Variants in PARD3B observed in about 807,000 individuals in gnomAD.
The protein encoded by PARD3B is partitioning defective 3 homolog B.
In PARD3B, 103 loss-of-function variants were observed where a neutral mutation model predicts 130.2. The ratio of observed to expected loss-of-function variants is 0.79; its 90% confidence interval spans 0.67 to 0.93. The LOEUF (loss-of-function observed/expected upper bound fraction) is 0.93. Among genes scored for constraint, PARD3B ranks in the 40% least tolerant of loss-of-function variants. The pLI, the probability that PARD3B is intolerant of heterozygous loss-of-function variation, is 0.00. For missense variants in PARD3B, 1,609 were observed against 1,499.2 expected (o/e 1.07, Z -1.21); for synonymous variants, 583 against 553.2 (o/e 1.05, Z -0.76).
At chr2:205,007,430 A>G (rs1158460799) in intron 3 of PARD3B, among the ~76,000 whole-genome samples, 2 of 152,102 alleles carry the variant, frequency 1.3e-5, no homozygotes, top group Admixed American at 6.5e-5. Context: ...TCCCAGTACC[A>G]TTTATTGAAT....
intron 20 of PARD3B, among the ~76,000 whole-genome samples, chr2:205,472,742 G>A (rs780679961): frequency 2.0e-5 from 3 of 152,142 alleles, no homozygotes; most frequent in Non-Finnish European, 4.4e-5. Flanking sequence ...TTGAAGCTAT[G>A]TAGTCTTCAA....
chr2:204,892,434 G>C (rs62179369), intron 2 of PARD3B, among the ~76,000 whole-genome samples: 5,224 of 152,260 alleles, frequency 0.034, 154 homozygotes, highest in African/African-American at 0.066. Context: ...CTCAATAACT[G>C]ATCTATTCAG....
At chr2:205,076,062 T>C (rs891044829) in intron 4 of PARD3B, among the ~76,000 whole-genome samples, 10 of 152,168 alleles carry the variant, frequency 6.6e-5, no homozygotes, top group Admixed American at 5.9e-4. Flanking sequence ...ATGAGAACTT[T>C]CTTTTCTTTA....
intron 18 of PARD3B, among the ~76,000 whole-genome samples, chr2:205,371,258 G>C (rs1304333816): frequency 6.6e-6 from 1 of 152,102 alleles, no homozygotes; most frequent in Non-Finnish European, 1.5e-5. Context: ...GTTACAGATT[G>C]CTCAGCCTTC....
At chr2:205,054,164 C>T (rs1699428735) in intron 4 of PARD3B, among the ~76,000 whole-genome samples, 1 of 151,622 alleles carries the variant, frequency 6.6e-6, no homozygotes, top group African/African-American at 2.4e-5. Flanking sequence ...AAACCTGAAG[C>T]CCAGTTTACT....
At chr2:205,060,516 T>C (rs1700006201) in intron 4 of PARD3B, among the ~76,000 whole-genome samples, 1 of 152,138 alleles carries the variant, frequency 6.6e-6, no homozygotes, top group Non-Finnish European at 1.5e-5. Flanking sequence ...GACTCATCCA[T>C]TGACTCTTTG....
At chr2:205,032,443 G>C (rs1411508296) in intron 3 of PARD3B, among the ~76,000 whole-genome samples, 1 of 152,080 alleles carries the variant, frequency 6.6e-6, no homozygotes, top group Non-Finnish European at 1.5e-5. Flanking sequence ...GGTGCCTGAG[G>C]TTAAAGCTGA....
chr2:205,021,616 CTCT>C lies in PARD3B; in HGVS notation c.395-25964_395-25962del. Among the ~76,000 whole-genome samples, 1 of 140,010 alleles carries C rather than the reference CTCT, an allele frequency of 7.1e-6. No individual in the cohort carries two copies. Among genetic ancestry groups the C allele is most frequent in the South Asian group, 2.2e-4 (1 of 4,468 alleles). The allele number at this position is 140,010 out of a possible 152,430, so 91.9% of individuals were successfully genotyped here. A position where few individuals can be genotyped will look rare whatever the true frequency, so the allele number is the denominator to read the frequency against. ...CTCTTCTCTCTCTCTCTCTCTCTCTCTCTCCCTCTCTCTTTCTCTCTCTCTCTC... is the reference window on the plus strand; with the variant it reads ...CTCTTCTCTCTCTCTCTCTCTCTCTCCCCTCTCTCTTTCTCTCTCTCTCTC... On this transcript the variant is annotated intron_variant, in intron 3 of 22. Coordinates refer to ENST00000406610, the MANE Select transcript of PARD3B (RefSeq NM_001302769.2). The surrounding 1 kb of genome is among the most constrained non-coding windows in gnomAD (Gnocchi z 4.5).
intron 2 of PARD3B, among the ~76,000 whole-genome samples, chr2:204,747,095 G>A (rs924682672): frequency 2.0e-5 from 3 of 152,098 alleles, no homozygotes; most frequent in African/African-American, 7.2e-5. Context: ...TTCTTCTAGG[G>A]TTTTTATGGT....
intron 4 of PARD3B, among the ~76,000 whole-genome samples, chr2:205,089,046 CTGCCT>C (rs1701926581): frequency 6.6e-6 from 1 of 151,954 alleles, no homozygotes; most frequent in Non-Finnish European, 1.5e-5. Flanking sequence ...CGTGATCCAC[CTGCCT>C]TGGCCTCCCA....
intron 16 of PARD3B, among the ~76,000 whole-genome samples, chr2:205,249,097 C>T (rs2039719520): frequency 6.7e-6 from 1 of 148,468 alleles, no homozygotes; most frequent in African/African-American, 2.5e-5. Context: ...GCAACCTCTG[C>T]CTCCCAGATT....
intron 1 of PARD3B, among the ~76,000 whole-genome samples, chr2:204,587,011 A>C (rs915550869): frequency 3.9e-5 from 6 of 152,210 alleles, no homozygotes; most frequent in Admixed American, 3.9e-4. Flanking sequence ...TAATGGCACA[A>C]AACCAGATCC....
chr2:205,381,345 C>A (rs1438190448), intron 18 of PARD3B, among the ~76,000 whole-genome samples: 2 of 149,792 alleles, frequency 1.3e-5, no homozygotes, highest in African/African-American at 4.9e-5. Context: ...AACTGCTGCT[C>A]ATATTTGCAT....
At chr2:204,758,711 T>C (rs998297871) in intron 2 of PARD3B, among the ~76,000 whole-genome samples, 4 of 152,184 alleles carry the variant, frequency 2.6e-5, no homozygotes, top group Non-Finnish European at 4.4e-5. Flanking sequence ...AGGACAGCCA[T>C]ATATTTTCTT....
intron 21 of PARD3B, among the ~76,000 whole-genome samples, chr2:205,516,659 A>G (rs1452238112): frequency 6.6e-6 from 1 of 152,110 alleles, no homozygotes; most frequent in Non-Finnish European, 1.5e-5. Context: ...CAGCTGAAGG[A>G]GCTTTTGGGT....
Position 204,583,401 on chromosome 2 carries a change from C to T in PARD3B, c.120+37282C>T, listed in dbSNP as rs546636201. Among the ~76,000 whole-genome samples the T allele has an allele frequency of 2.1e-4, 23 of 111,146 alleles. No homozygotes were observed. The South Asian group carries it at 8.3e-3, about 40-fold the overall frequency. 72.9% of individuals were successfully genotyped at this position (111,146 alleles called of 152,430 possible). ...CAAAAAACCAAACACCGCATATTCT[C>T]ACTCATAGGTGGGAATTGAACAATG... On this transcript the variant is annotated intron_variant, in intron 1 of 22. Coordinates refer to ENST00000406610, the MANE Select transcript of PARD3B (RefSeq NM_001302769.2).
intron 2 of PARD3B, among the ~76,000 whole-genome samples, chr2:204,814,446 T>C (rs1559166441): frequency 6.6e-6 from 1 of 151,856 alleles, no homozygotes. Flanking sequence ...TTAAAATGTA[T>C]ATATCATGTA....
At chr2:205,181,304 A>G (rs752191436) in intron 13 of PARD3B, among the ~76,000 whole-genome samples, 1 of 152,358 alleles carries the variant, frequency 6.6e-6, no homozygotes, top group South Asian at 2.1e-4. Context: ...CATGTAAAGC[A>G]CTACGTCTGG....
chr2:204,587,673 G>C (rs919574673), intron 1 of PARD3B, among the ~76,000 whole-genome samples: 3 of 152,182 alleles, frequency 2.0e-5, no homozygotes, highest in African/African-American at 7.2e-5. Context: ...GAGAAGAGCA[G>C]GCTCTGTACC....
Sources: allele counts gnomAD v4.1 joint callset (sites outside exome capture counted in the v4.1 genomes callset), GRCh38; gene constraint gnomAD v4.1.1; non-coding constraint Gnocchi (gnomAD v3.1); transcripts MANE v1.5; gene names NCBI Gene and HGNC (gene_info 2026-07-23, HGNC 2026-07-21).